Variants in FNIP1 observed in about 807,000 individuals in gnomAD.
FNIP1 encodes folliculin-interacting protein 1.
In FNIP1, 40 loss-of-function variants were observed where a neutral mutation model predicts 124.5. The ratio of observed to expected loss-of-function variants is 0.32; its 90% CI spans 0.25 to 0.42. FNIP1 has a LOEUF of 0.42. Among genes scored for constraint, FNIP1 ranks in the 10% least tolerant of loss-of-function variants. The pLI, the probability that FNIP1 is intolerant of heterozygous loss-of-function variation, is 1.00. For synonymous variants in FNIP1, 472 were observed against 470.6 expected (o/e 1.00, Z -0.04); for missense variants, 1,176 against 1,403.7 (o/e 0.84, Z 2.59).
intron 1 of FNIP1, among the ~76,000 whole-genome samples, chr5:131,757,013 A>G (rs1771071921): frequency 6.6e-6 from 1 of 152,350 alleles, no homozygotes; most frequent in East Asian, 1.9e-4. Context: ...AGCAGCCACA[A>G]TGAAAAGGAG....
chr5:131,723,715 AATT>A (rs1412837566), intron 3 of FNIP1, among the ~76,000 whole-genome samples: 1 of 152,138 alleles, frequency 6.6e-6, no homozygotes, highest in Non-Finnish European at 1.5e-5. Flanking sequence ...ATTTAAAAAA[AATT>A]ATTATTATGC....
chr5:131,773,397 T>C (rs537834158), intron 1 of FNIP1, among the ~76,000 whole-genome samples: 4 of 152,348 alleles, frequency 2.6e-5, no homozygotes, highest in Admixed American at 1.3e-4. Context: ...TGCAATCTGC[T>C]GACCCACACA....
At chr5:131,654,698 A>G (rs1184757800) in intron 15 of FNIP1, among the ~76,000 whole-genome samples, 3 of 152,242 alleles carry the variant, frequency 2.0e-5, no homozygotes. Flanking sequence ...ACATAGGACT[A>G]TGACATTGAA....
chr5:131,679,661 T>C (rs1209395341), intron 11 of FNIP1, among the ~76,000 whole-genome samples: 1 of 152,226 alleles, frequency 6.6e-6, no homozygotes, highest in African/African-American at 2.4e-5. Flanking sequence ...CTAGTAACAT[T>C]CTTAAGGACA....
At chr5:131,795,508 T>C (rs917943780) in intron 1 of FNIP1, 2 of 152,220 alleles carry the variant, frequency 1.3e-5, no homozygotes, top group South Asian at 2.1e-4. Context: ...CTGTTTCCTA[T>C]TGTCGCTTGA....
In FNIP1 at chr5:131,796,926, G is replaced by C; in HGVS notation, c.-5C>G. 1 of 1,598,916 alleles carries C rather than the reference G, an allele frequency of 6.3e-7. No homozygotes were observed. Among genetic ancestry groups the C allele is most frequent in the Non-Finnish European group, 8.5e-7 (1 of 1,173,474 alleles). On this transcript the variant is annotated 5_prime_UTR_variant, in exon 1 of 18. Coordinates refer to ENST00000510461, the MANE Select transcript of FNIP1 (RefSeq NM_133372.3). ...CTGGAACAGCGTAGGGGCCATGCTA[G>C]CCACGGCCAGGCAGGGGTCGCTCCG... is the stretch of plus-strand genomic sequence containing the variant.
Position 131,672,918 on chromosome 5 carries a change from A to G in FNIP1, c.1526T>C (p.Leu509Ser), listed in dbSNP as rs1294985291. The G allele has an allele frequency of 3.3e-6, 5 of 1,535,808 alleles. No individual in the cohort carries two copies. The highest frequency in any genetic ancestry group is 4.4e-6 in the Non-Finnish European group (5 of 1,144,614). The change falls in exon 14 of 18, where the codon TTG becomes TCG. Residue 509 changes from leucine (L) to serine (S), a missense_variant. By Grantham distance (145) the Leu-to-Ser change is moderately radical. Transcript: ENST00000510461. ...TACGGGAGAGCCAATAGCGCCATAC[A>G]AGTCTCCTGTAATGGAAAAAATCAG... ...YNPLWAQLGD[L>S]YGAIGSPVRL...
chr5:131,760,215 A>T (rs543737304), intron 1 of FNIP1, among the ~76,000 whole-genome samples: 5 of 152,310 alleles, frequency 3.3e-5, no homozygotes, highest in African/African-American at 1.2e-4. Context: ...CTACATATGT[A>T]CACCCTGTAT....
chr5:131,793,392 T>C (rs758312619), intron 1 of FNIP1, among the ~76,000 whole-genome samples: 46 of 152,180 alleles, frequency 3.0e-4, no homozygotes, highest in Non-Finnish European at 5.9e-4. Flanking sequence ...TTACTTCCAC[T>C]GGAAGAAAAT....
intron 1 of FNIP1, among the ~76,000 whole-genome samples, chr5:131,758,678 T>C (rs1415835261): frequency 1.3e-5 from 2 of 152,288 alleles, no homozygotes; most frequent in Non-Finnish European, 2.9e-5. Context: ...GCTCTGCATG[T>C]TTTTTTATCT....
intron 2 of FNIP1, among the ~76,000 whole-genome samples, chr5:131,738,950 G>C (rs549072429): frequency 6.6e-6 from 1 of 151,572 alleles, no homozygotes; most frequent in African/African-American, 2.4e-5. Context: ...CCAGTAGCTG[G>C]GACTACAGAC....
chr5:131,669,648 G>A (rs1767693447), intron 15 of FNIP1, among the ~76,000 whole-genome samples: 2 of 151,952 alleles, frequency 1.3e-5, no homozygotes, highest in South Asian at 4.1e-4. Flanking sequence ...TCATGATTAA[G>A]GGATGGACAA....
intron 9 of FNIP1, among the ~76,000 whole-genome samples, chr5:131,705,010 G>A (rs1398081098): frequency 1.3e-5 from 2 of 151,846 alleles, no homozygotes; most frequent in African/African-American, 4.8e-5. Flanking sequence ...CCCACAGAAT[G>A]TAAAAAAAAT....
At chr5:131,752,728 T>C (rs1343400833) in intron 1 of FNIP1, among the ~76,000 whole-genome samples, 1 of 152,080 alleles carries the variant, frequency 6.6e-6, no homozygotes, top group African/African-American at 2.4e-5. Flanking sequence ...AATCAGTATG[T>C]GGAAATGATA....
At chr5:131,691,343 G>A (rs1768474219) in intron 11 of FNIP1, among the ~76,000 whole-genome samples, 1 of 152,156 alleles carries the variant, frequency 6.6e-6, no homozygotes, top group Non-Finnish European at 1.5e-5. Flanking sequence ...AGCAAAAGGA[G>A]TGCTTAAAGG....
intron 1 of FNIP1, among the ~76,000 whole-genome samples, chr5:131,761,030 C>T (rs887157526): frequency 1.4e-4 from 22 of 152,178 alleles, no homozygotes; most frequent in African/African-American, 4.6e-4. Flanking sequence ...AAAAGCACCA[C>T]AGCCAATTGA....
At chr5:131,716,497 T>A in intron 6 of FNIP1, 68 bp downstream of exon 6, 1 of 1,042,342 alleles carries the variant, frequency 9.6e-7, no homozygotes, top group Non-Finnish European at 1.4e-6. Context: ...TATTAAGGAA[T>A]AACTTCAAAA....
chr5:131,761,043 A>G (rs1771213835), intron 1 of FNIP1, among the ~76,000 whole-genome samples: 1 of 152,202 alleles, frequency 6.6e-6, no homozygotes, highest in South Asian at 2.1e-4. Context: ...CCAATTGAAG[A>G]AATATTTTCT....
chr5:131,753,090 T>TACAA (rs1770934265), intron 1 of FNIP1, among the ~76,000 whole-genome samples: 1 of 151,504 alleles, frequency 6.6e-6, no homozygotes, highest in South Asian at 2.1e-4. Context: ...AACAAAAACA[T>TACAA]ACAAACAAAC....
Sources: allele counts gnomAD v4.1 joint callset (sites outside exome capture counted in the v4.1 genomes callset), GRCh38; gene constraint gnomAD v4.1.1; transcripts MANE v1.5; gene names NCBI Gene and HGNC (gene_info 2026-07-23, HGNC 2026-07-21).